Variants in BEND5 observed in about 807,000 individuals in gnomAD.
BEND5 encodes BEN domain-containing protein 5.
A neutral mutation model predicts 43.9 loss-of-function variants in BEND5; 22 were observed. That is an observed-to-expected ratio of 0.50 (90% CI 0.36 to 0.72). The LOEUF is 0.72. Among genes scored for constraint, BEND5 ranks in the 30% least tolerant of loss-of-function variants. The pLI is 0.00. For synonymous variants in BEND5, 228 were observed against 225.9 expected, an observed-to-expected ratio of 1.01 and a Z score of -0.08; for missense variants, 428 against 550.6, an observed-to-expected ratio of 0.78 and a Z score of 2.23.
intron 5 of BEND5, among the ~76,000 whole-genome samples, chr1:48,733,876 G>A (rs1157146924): frequency 1.3e-5 from 2 of 152,168 alleles, no homozygotes; most frequent in Non-Finnish European, 2.9e-5. Context: ...GTTTGGAAAT[G>A]AGGCCACAGA....
intron 1 of BEND5, among the ~76,000 whole-genome samples, chr1:48,766,744 C>T (rs1644551295): frequency 6.6e-6 from 1 of 152,228 alleles, no homozygotes; most frequent in South Asian, 2.1e-4. Flanking sequence ...TAACCACCTC[C>T]TGGCTCCATC....
At chr1:48,738,669 T>C (rs1255879730) in intron 4 of BEND5, among the ~76,000 whole-genome samples, 1 of 152,218 alleles carries the variant, frequency 6.6e-6, no homozygotes, top group African/African-American at 2.4e-5. Context: ...ATGCCAACTT[T>C]ACATTTTTCA....
At chr1:48,734,874 TTGAC>T (rs1486057169) in intron 5 of BEND5, among the ~76,000 whole-genome samples, 4 of 152,226 alleles carry the variant, frequency 2.6e-5, no homozygotes, top group South Asian at 2.1e-4. Flanking sequence ...AACATATGTG[TTGAC>T]TGACTGAGTC....
intron 3 of BEND5, among the ~76,000 whole-genome samples, chr1:48,745,269 G>C (rs143542180): frequency 2.8e-4 from 42 of 152,250 alleles, no homozygotes; most frequent in African/African-American, 8.4e-4. Context: ...TAGAGGCATG[G>C]ACAGGTGGGA....
At chr1:48,733,897 A>T (rs1167686315) in intron 5 of BEND5, among the ~76,000 whole-genome samples, 1 of 152,210 alleles carries the variant, frequency 6.6e-6, no homozygotes, top group Non-Finnish European at 1.5e-5. Context: ...GATGAATCAG[A>T]TACAGTCCCC....
At chr1:48,770,272 T>C (rs1339472891) in intron 1 of BEND5, among the ~76,000 whole-genome samples, 1 of 152,216 alleles carries the variant, frequency 6.6e-6, no homozygotes, top group Non-Finnish European at 1.5e-5. Flanking sequence ...TCCTATCCTA[T>C]GTCTGACCAA....
chr1:48,752,558 T>G (rs1440839366), intron 3 of BEND5, among the ~76,000 whole-genome samples: 1 of 152,200 alleles, frequency 6.6e-6, no homozygotes, highest in Non-Finnish European at 1.5e-5. Flanking sequence ...CATCCAGGGT[T>G]GACCAAAGAT....
intron 5 of BEND5, among the ~76,000 whole-genome samples, chr1:48,734,460 G>A (rs1648684034): frequency 6.6e-6 from 1 of 152,088 alleles, no homozygotes; most frequent in Non-Finnish European, 1.5e-5. Context: ...CTCCCATGTG[G>A]TCACTCCATG....
Position 48,767,832 on chromosome 1 carries a change from A to C in BEND5, c.227-6362T>G, listed in dbSNP as rs908625695. 3.3e-5 allele frequency among the ~76,000 whole-genome samples: 5 copies of C among 152,174 alleles called. No individual in the cohort carries two copies. In the East Asian group the frequency reaches 9.6e-4, roughly 29 times the overall value. On this transcript the variant is annotated intron_variant, in intron 1 of 5. Transcript: ENST00000371833. ...ATGTCCAGGGCAAGGGAAACCACCA[A>C]AGATTTGGGCATTATCCTTTTCCTC...
At chr1:48,749,436 T>A (rs967697141) in intron 3 of BEND5, among the ~76,000 whole-genome samples, 1 of 152,174 alleles carries the variant, frequency 6.6e-6, no homozygotes, top group African/African-American at 2.4e-5. Context: ...AAATCGATCT[T>A]ATTATCTCTG....
chr1:48,767,510 C>G (rs1451766836), intron 1 of BEND5, among the ~76,000 whole-genome samples: 1 of 152,168 alleles, frequency 6.6e-6, no homozygotes, highest in Non-Finnish European at 1.5e-5. Flanking sequence ...AGACAGAACA[C>G]AGGGTGACAA....
Position 48,736,390 on chromosome 1 carries a change from T to C in BEND5, c.957A>G (p.Gln319=), listed in dbSNP as rs35648018. 2.7e-4 allele frequency: 441 copies of C among 1,614,190 alleles called. 2 individuals carry two copies. The African/African-American group carries it at 4.9e-3, about 18-fold the overall frequency. ...AGTTCTTCGTGTACTTGGAATCTCC[T>C]TGGGTTACTTGTAGCTGGTGCCATT... ...EEKWHQLQVT[Q]GDSKYTKNLA... The change falls in exon 5 of 6, where the codon CAA becomes CAG. Residue 319 remains glutamine (Q), a synonymous_variant. Coordinates refer to ENST00000371833, the MANE Select transcript of BEND5 (RefSeq NM_024603.4). This position sits in a 1 kb window ranked among gnomAD's most constrained non-coding sequence, Gnocchi z 4.0.
chr1:48,750,137 G>T (rs986494411), intron 3 of BEND5, among the ~76,000 whole-genome samples: 2 of 152,156 alleles, frequency 1.3e-5, no homozygotes, highest in African/African-American at 2.4e-5. Context: ...GGGACCATAT[G>T]GGATTCATCT....
chr1:48,731,757 A>T (rs919104721), intron 5 of BEND5, among the ~76,000 whole-genome samples: 1 of 152,226 alleles, frequency 6.6e-6, no homozygotes. Context: ...GTTCAAGGGG[A>T]ATACTGCTGA....
intron 3 of BEND5, among the ~76,000 whole-genome samples, chr1:48,743,954 T>C (rs923029): frequency 0.043 from 6,527 of 152,224 alleles, 449 homozygotes; most frequent in African/African-American, 0.15. Flanking sequence ...ATCATAAAAT[T>C]TAAGAATGAA....
intron 5 of BEND5, among the ~76,000 whole-genome samples, chr1:48,732,966 C>A (rs939870022): frequency 6.6e-6 from 1 of 152,156 alleles, no homozygotes; most frequent in Non-Finnish European, 1.5e-5. Context: ...CAAACAGTGC[C>A]AGTGAGACTG....
chr1:48,744,192 G>T (rs753976599), intron 3 of BEND5, among the ~76,000 whole-genome samples: 4 of 152,196 alleles, frequency 2.6e-5, no homozygotes, highest in Admixed American at 6.5e-5. Context: ...ACCTATTCAA[G>T]GGCTGGGCCT....
chr1:48,736,232 G>T lies in BEND5; in HGVS notation c.1108+7C>A. ...CCCAGCCATTGTGTTTCCACTCAGT[G>T]ACCTACCTCTGACGATGCTTAGTTT... On this transcript the variant is annotated splice_region_variant and intron_variant, in intron 5 of 5. Coordinates refer to ENST00000371833, the MANE Select transcript of BEND5 (RefSeq NM_024603.4). The surrounding 1 kb of genome is among the most constrained non-coding windows in gnomAD (Gnocchi z 4.0). 1 of 1,612,560 alleles carries T rather than the reference G, an allele frequency of 6.2e-7. No homozygotes were observed. Among genetic ancestry groups the T allele is most frequent in the Non-Finnish European group, 8.5e-7 (1 of 1,178,648 alleles).
In BEND5 at chr1:48,776,826, G is replaced by A; in HGVS notation, c.6C>T (p.Tyr2=). The change falls in exon 1 of 6, where the codon TAC becomes TAT. Residue 2 remains tyrosine, a synonymous_variant. Coordinates refer to ENST00000371833, the MANE Select transcript of BEND5 (RefSeq NM_024603.4). ...TGTCCTCCAGGAACCGCACAAAGGCGTACATGGTGGGCGCCGGGGGCGGGC... is the reference window on the plus strand; with the variant it reads ...TGTCCTCCAGGAACCGCACAAAGGCATACATGGTGGGCGCCGGGGGCGGGC... M[Y]AFVRFLEDNV... 3 of 1,503,794 alleles carry A rather than the reference G, an allele frequency of 2.0e-6. No individual in the cohort carries two copies. Among genetic ancestry groups the A allele is most frequent in the Non-Finnish European group, 2.7e-6 (3 of 1,128,482 alleles). 93.2% of individuals were successfully genotyped at this position (1,503,794 alleles called of 1,614,324 possible). A position where few individuals can be genotyped will look rare whatever the true frequency, so the allele number is the denominator to read the frequency against.
Sources: allele counts gnomAD v4.1 joint callset (sites outside exome capture counted in the v4.1 genomes callset), GRCh38; gene constraint gnomAD v4.1.1; non-coding constraint Gnocchi (gnomAD v3.1); transcripts MANE v1.5; gene names NCBI Gene and HGNC (gene_info 2026-07-23, HGNC 2026-07-21).